Variants in XRCC4 observed in about 807,000 individuals in gnomAD.
The protein encoded by XRCC4 is X-ray repair cross complementing 4.
XRCC4 carries 28 observed loss-of-function variants against 39.1 expected under a neutral mutation model. That is an observed-to-expected ratio of 0.72 (90% CI 0.53 to 0.98). XRCC4 has a LOEUF of 0.98. XRCC4 is among the 50% of genes least tolerant of loss of function. The pLI, the probability that XRCC4 is intolerant of heterozygous loss-of-function variation, is 0.00. For missense variants in XRCC4, 350 were observed against 376.4 expected, an observed-to-expected ratio of 0.93 and a Z score of 0.58; for synonymous variants, 123 against 126.4, an observed-to-expected ratio of 0.97 and a Z score of 0.18.
Position 83,289,628 on chromosome 5 carries a change from T to A in XRCC4, c.893+30951T>A, listed in dbSNP as rs1033360161. On this transcript the variant is annotated intron_variant, in intron 7 of 7. Coordinates refer to ENST00000396027, the MANE Select transcript of XRCC4 (RefSeq NM_003401.5). The stretch of plus-strand genomic sequence containing the variant: ...GGTATGATGTGGGAGAAAAGCATTC[T>A]TGATTTTTGTGATTGAATCTTAGTC... 2.0e-5 allele frequency among the ~76,000 whole-genome samples: 3 copies of A among 151,910 alleles called. No homozygotes were observed. In the South Asian group the frequency reaches 6.2e-4, roughly 31 times the overall value.
chr5:83,174,398 A>G (rs1203395806), intron 3 of XRCC4, among the ~76,000 whole-genome samples: 1 of 152,156 alleles, frequency 6.6e-6, no homozygotes, highest in Non-Finnish European at 1.5e-5. Flanking sequence ...ATCACTTCTC[A>G]TATAACTATG....
chr5:83,109,425 ATC>A (rs771044673), intron 2 of XRCC4, among the ~76,000 whole-genome samples: 118 of 151,944 alleles, frequency 7.8e-4, no homozygotes, highest in Non-Finnish European at 1.1e-3. Flanking sequence ...TGAAAATAAT[ATC>A]TGTTTTTCAG....
At chr5:83,349,544 A>T (rs1757018882) in intron 7 of XRCC4, among the ~76,000 whole-genome samples, 1 of 152,164 alleles carries the variant, frequency 6.6e-6, no homozygotes, top group South Asian at 2.1e-4. Flanking sequence ...CAGGGGTCAA[A>T]ATCTATTTCT....
At chr5:83,190,365 A>C (rs1213879414) in intron 3 of XRCC4, among the ~76,000 whole-genome samples, 1 of 152,212 alleles carries the variant, frequency 6.6e-6, no homozygotes, top group African/African-American at 2.4e-5. Context: ...TGGATAGACT[A>C]CTGTTTTTAG....
chr5:83,095,545 A>G (rs970538239), intron 1 of XRCC4, among the ~76,000 whole-genome samples: 2 of 152,108 alleles, frequency 1.3e-5, no homozygotes, highest in Non-Finnish European at 2.9e-5. Context: ...CTGTTGTGGG[A>G]TGGTGGAGGC....
chr5:83,129,975 A>G (rs1454971119), intron 3 of XRCC4, among the ~76,000 whole-genome samples: 1 of 152,086 alleles, frequency 6.6e-6, no homozygotes, highest in East Asian at 1.9e-4. Flanking sequence ...CTCCTGCCTA[A>G]TTGCCCTGGC....
At chr5:83,186,780 ATTTT>A (rs1750457895) in intron 3 of XRCC4, among the ~76,000 whole-genome samples, 2 of 152,138 alleles carry the variant, frequency 1.3e-5, no homozygotes, top group Non-Finnish European at 2.9e-5. Context: ...ATAAATATAT[ATTTT>A]ACTTCTGTGG....
intron 7 of XRCC4, among the ~76,000 whole-genome samples, chr5:83,321,161 A>G (rs914740909): frequency 3.9e-5 from 6 of 152,140 alleles, no homozygotes; most frequent in Non-Finnish European, 8.8e-5. Flanking sequence ...TCATGTAAAC[A>G]TAACTTTTTC....
At chr5:83,120,501 C>T (rs1746959941) in intron 3 of XRCC4, among the ~76,000 whole-genome samples, 1 of 152,178 alleles carries the variant, frequency 6.6e-6, no homozygotes, top group African/African-American at 2.4e-5. Flanking sequence ...CGTTATAGAT[C>T]AGCTTTACAT....
rs994214665 is a variant in XRCC4, at chr5:83,110,488, G to T, written c.140-540G>T. The stretch of plus-strand genomic sequence containing the variant: ...CTAGTATAGTATGTGTTGCAGAGGA[G>T]ATGCTCGTACATTTTAGTTTCCTTC... On this transcript the variant is annotated intron_variant, in intron 2 of 7. Coordinates refer to ENST00000396027, the MANE Select transcript of XRCC4 (RefSeq NM_003401.5). Among the ~76,000 whole-genome samples, 9 of 152,070 alleles carry T rather than the reference G, an allele frequency of 5.9e-5. 1 individual carries two copies. The highest frequency in any genetic ancestry group is 5.9e-4 in the Admixed American group (9 of 15,266).
At chr5:83,206,820 G>A (rs1370796867) in intron 6 of XRCC4, among the ~76,000 whole-genome samples, 6 of 152,044 alleles carry the variant, frequency 3.9e-5, no homozygotes, top group African/African-American at 1.4e-4. Context: ...GGGACAAGTA[G>A]TAGATTAGTT....
rs1056939125 is a variant in XRCC4, at chr5:83,195,798, A to C, written c.344A>C (p.Lys115Thr). 1.2e-6 allele frequency: 2 copies of C among 1,604,718 alleles called. No individual in the cohort carries two copies. Among genetic ancestry groups the C allele is most frequent in the African/African-American group, 2.7e-5 (2 of 74,608 alleles). Residue 115 changes from lysine to threonine, a missense_variant, in exon 4 of 8, where the codon AAA (lysine) becomes ACA (threonine). Coordinates refer to ENST00000396027, the MANE Select transcript of XRCC4 (RefSeq NM_003401.5). ...AGACTTGGTTCCTTCAACCTAGAGAAAGTTGAAAACCCAGCTGAAGTCATT... is the reference window on the plus strand; with the variant it reads ...AGACTTGGTTCCTTCAACCTAGAGACAGTTGAAAACCCAGCTGAAGTCATT... ...SFRLGSFNLE[K>T]VENPAEVIRE...
chr5:83,333,194 G>T (rs1217918989), intron 7 of XRCC4, among the ~76,000 whole-genome samples: 1 of 152,078 alleles, frequency 6.6e-6, no homozygotes, highest in Admixed American at 6.6e-5. Flanking sequence ...TATTTGCACA[G>T]AGAAAGTCAA....
At chr5:83,096,848 T>C (rs1745699675) in intron 1 of XRCC4, among the ~76,000 whole-genome samples, 1 of 152,136 alleles carries the variant, frequency 6.6e-6, no homozygotes, top group African/African-American at 2.4e-5. Flanking sequence ...TTGCAGTGAG[T>C]AATGGCTACC....
intron 6 of XRCC4, among the ~76,000 whole-genome samples, chr5:83,241,450 A>G (rs542770793): frequency 6.6e-6 from 1 of 152,294 alleles, no homozygotes; most frequent in South Asian, 2.1e-4. Flanking sequence ...ATTCTGTTAA[A>G]TAAAATAGTA....
intron 1 of XRCC4, among the ~76,000 whole-genome samples, chr5:83,102,081 T>C (rs1056511355): frequency 6.6e-6 from 1 of 152,218 alleles, no homozygotes; most frequent in Non-Finnish European, 1.5e-5. Flanking sequence ...AAAACAATAA[T>C]TAAAACTGAA....
At chr5:83,370,629 T>C in the XRCC4 span, among the ~76,000 whole-genome samples, 1 of 152,156 alleles carries the variant, frequency 6.6e-6, no homozygotes, top group Non-Finnish European at 1.5e-5. Flanking sequence ...CTTGGGCTTC[T>C]TCAACTTGGT....
chr5:83,110,172 G>C (rs1346344487), intron 2 of XRCC4, among the ~76,000 whole-genome samples: 6 of 152,056 alleles, frequency 3.9e-5, no homozygotes, highest in African/African-American at 9.6e-5. Flanking sequence ...GAGGTGAGCT[G>C]TACTCAAATG....
intron 7 of XRCC4, among the ~76,000 whole-genome samples, chr5:83,295,311 A>G (rs1359156022): frequency 6.6e-6 from 1 of 152,036 alleles, no homozygotes; most frequent in Non-Finnish European, 1.5e-5. Context: ...GAAAAATGAT[A>G]TGCATATAGA....
Sources: gnomAD v4.1 joint callset for allele counts (sites outside exome capture counted in the v4.1 genomes callset) on GRCh38, gnomAD v4.1.1 for gene constraint, MANE v1.5 for transcripts, NCBI Gene and HGNC (gene_info 2026-07-23, HGNC 2026-07-21) for gene names.